Variants in PDE4D observed in about 807,000 individuals in gnomAD.
The protein encoded by PDE4D is phosphodiesterase 4D, also known as 3',5'-cyclic-AMP phosphodiesterase 4D.
In PDE4D, 24 loss-of-function variants were observed where a neutral mutation model predicts 87.4. The observed-to-expected ratio is 0.27, with a 90% CI of 0.20 to 0.39. PDE4D has a LOEUF of 0.39. Ranked by LOEUF, PDE4D falls within the 10% of genes least tolerant of loss-of-function variation. The pLI, the probability that PDE4D is intolerant of heterozygous loss-of-function variation, is 1.00. For missense variants in PDE4D, 714 were observed against 1,041.0 expected, an observed-to-expected ratio of 0.69 and a Z score of 4.32; for synonymous variants, 384 against 383.2, an observed-to-expected ratio of 1.00 and a Z score of -0.02.
At chr5:59,988,567 ATTCACT>A in exon 3 of PDE4D, 1 of 1,599,446 alleles carries the variant, frequency 6.3e-7, no homozygotes, top group East Asian at 2.2e-5. Context: ...ATGTTCTCTG[ATTCACT>A]TTTCAAGTCA....
intron 1 of PDE4D, among the ~76,000 whole-genome samples, chr5:59,487,743 T>C (rs1805406140): frequency 6.6e-6 from 1 of 152,088 alleles, no homozygotes; most frequent in South Asian, 2.1e-4. Context: ...AATTTGACTC[T>C]GAGTTTCAAA....
chr5:59,894,922 T>TTAC (rs1475347356), upstream of PDE4D, among the ~76,000 whole-genome samples: 2 of 152,194 alleles, frequency 1.3e-5, no homozygotes, highest in African/African-American at 4.8e-5. Flanking sequence ...TTTGACCATA[T>TTAC]TACTTAAAGA....
At chr5:59,818,254 C>T (rs1009885535) in intron 1 of PDE4D, among the ~76,000 whole-genome samples, 6 of 152,270 alleles carry the variant, frequency 3.9e-5, no homozygotes, top group Middle Eastern at 3.4e-3. Context: ...AGCTTGGGCA[C>T]GTTCCTTAAA....
At chr5:59,494,481 CAAA>C (rs1367079943) in intron 1 of PDE4D, among the ~76,000 whole-genome samples, 1 of 152,024 alleles carries the variant, frequency 6.6e-6, no homozygotes, top group Non-Finnish European at 1.5e-5. Flanking sequence ...AACAAACAAA[CAAA>C]AAACACCTAG....
chr5:59,196,281 G>T (rs1745441687), intron 2 of PDE4D, among the ~76,000 whole-genome samples: 2 of 152,150 alleles, frequency 1.3e-5, no homozygotes, highest in Admixed American at 1.3e-4. Context: ...AGACACGCAG[G>T]TAGTAAGCTG....
chr5:59,645,042 G>T (rs1226290184), intron 1 of PDE4D, among the ~76,000 whole-genome samples: 1 of 152,114 alleles, frequency 6.6e-6, no homozygotes, highest in Non-Finnish European at 1.5e-5. Flanking sequence ...TGAATTATTG[G>T]CTATCAAAAA....
chr5:59,615,230 G>T (rs1485957795), intron 1 of PDE4D, among the ~76,000 whole-genome samples: 1 of 152,124 alleles, frequency 6.6e-6, no homozygotes, highest in African/African-American at 2.4e-5. Context: ...TTTGAGGTTA[G>T]AAATCATGAA....
intron 1 of PDE4D, among the ~76,000 whole-genome samples, chr5:59,301,460 C>T (rs752245350): frequency 3.9e-5 from 6 of 152,064 alleles, no homozygotes; most frequent in Non-Finnish European, 7.4e-5. Context: ...AATATTTTAA[C>T]GTGTAGAGAT....
intron 1 of PDE4D, among the ~76,000 whole-genome samples, chr5:59,302,268 T>G (rs775403186): frequency 1.3e-5 from 2 of 152,174 alleles, no homozygotes; most frequent in Admixed American, 1.3e-4. Context: ...ATAAAAGCCT[T>G]GAACCAATGA....
At chr5:58,980,015 G>C (rs1358609971) in intron 11 of PDE4D, among the ~76,000 whole-genome samples, 1 of 152,118 alleles carries the variant, frequency 6.6e-6, no homozygotes, top group East Asian at 1.9e-4. Flanking sequence ...GAGGATTTAG[G>C]TGCCATTGTG....
At chr5:60,004,293 TG>T (rs1252657936) in intron 2 of PDE4D, among the ~76,000 whole-genome samples, 5 of 152,238 alleles carry the variant, frequency 3.3e-5, no homozygotes, top group African/African-American at 1.2e-4. Flanking sequence ...CATGGGGGAT[TG>T]GTTCAACCTT....
chr5:59,843,879 T>G (rs1743430100), intron 1 of PDE4D, among the ~76,000 whole-genome samples: 1 of 152,036 alleles, frequency 6.6e-6, no homozygotes, highest in East Asian at 1.9e-4. Context: ...AGAATGGAAT[T>G]TTGCTCCCCT....
At position 59,786,312 on chromosome 5, in the gene PDE4D, T is replaced by C. The variant is rs73109102; in HGVS notation, c.455+106856A>G. Among the ~76,000 whole-genome samples the C allele has an allele frequency of 8.0e-3, 1,224 of 152,344 alleles. 12 individuals are homozygous for C. The highest frequency in any genetic ancestry group is 0.028 in the African/African-American group (1,167 of 41,568). On this transcript the variant is annotated intron_variant, in intron 1 of 14. Transcript: ENST00000340635. ...GATTCTAAACAGGGATTTAGAAAGA[T>C]AAGGTGGTTACTGAATTGAATTAAA... is the stretch of plus-strand genomic sequence containing the variant.
chr5:59,462,877 GATA>G (rs1041660511), intron 1 of PDE4D, among the ~76,000 whole-genome samples: 4 of 151,526 alleles, frequency 2.6e-5, no homozygotes, highest in African/African-American at 9.7e-5. Context: ...AGCCTAAGGG[GATA>G]ATAACTTGTA....
At chr5:59,515,110 C>T (rs779367570) in intron 1 of PDE4D, among the ~76,000 whole-genome samples, 32 of 152,246 alleles carry the variant, frequency 2.1e-4, no homozygotes, top group Non-Finnish European at 3.8e-4. Context: ...AATTATTCAA[C>T]TAAACAACCA....
chr5:59,484,044 T>A (rs1359054982), intron 1 of PDE4D, among the ~76,000 whole-genome samples: 1 of 152,142 alleles, frequency 6.6e-6, no homozygotes, highest in East Asian at 1.9e-4. Context: ...AAAGGCAGAG[T>A]ATGGTTTTTG....
chr5:60,168,710 C>A (rs1175390576), intron 2 of PDE4D, among the ~76,000 whole-genome samples: 2 of 152,108 alleles, frequency 1.3e-5, no homozygotes, highest in African/African-American at 4.8e-5. Context: ...AATGTAAATA[C>A]TATGTAAATA....
chr5:59,272,746 C>T (rs748618577), intron 1 of PDE4D, among the ~76,000 whole-genome samples: 4 of 151,994 alleles, frequency 2.6e-5, no homozygotes, highest in Non-Finnish European at 4.4e-5. Flanking sequence ...TTATAACAGG[C>T]TGACCTTTAA....
intron 1 of PDE4D, among the ~76,000 whole-genome samples, chr5:60,506,357 C>A (rs1583955040): frequency 6.6e-6 from 1 of 152,334 alleles, no homozygotes; most frequent in Non-Finnish European, 1.5e-5. Context: ...TGGGAAAATA[C>A]TTTGGGAAAT....
Sources: allele counts gnomAD v4.1 joint callset (sites outside exome capture counted in the v4.1 genomes callset), GRCh38; gene constraint gnomAD v4.1.1; transcripts MANE v1.5; gene names NCBI Gene and HGNC (gene_info 2026-07-23, HGNC 2026-07-21).